Variants in SNTG1 observed in about 807,000 individuals in gnomAD.
SNTG1 encodes the protein syntrophin gamma 1.
In SNTG1, 39 loss-of-function variants were observed where a neutral mutation model predicts 74.7. That is an observed-to-expected ratio of 0.52 (90% CI 0.40 to 0.68). The LOEUF (loss-of-function observed/expected upper bound fraction) is 0.68, where lower values mean the gene tolerates loss of function less well. SNTG1 is among the 30% of genes least tolerant of loss of function. The probability of loss-of-function intolerance (pLI) is 0.00; values close to 1 mark genes in which losing one functional copy is unlikely to be tolerated. For missense variants in SNTG1, 685 were observed against 609.5 expected (o/e 1.12, Z -1.30); for synonymous variants, 254 against 217.1 (o/e 1.17, Z -1.49).
At chr8:50,401,541 G>A (rs2092805465) in intron 3 of SNTG1, among the ~76,000 whole-genome samples, 1 of 151,972 alleles carries the variant, frequency 6.6e-6, no homozygotes, top group Non-Finnish European at 1.5e-5. Context: ...TGTTAATCTG[G>A]GTAGTTTATT....
chr8:50,245,703 G>A (rs955419202), intron 2 of SNTG1, among the ~76,000 whole-genome samples: 1 of 151,988 alleles, frequency 6.6e-6, no homozygotes, highest in South Asian at 2.1e-4. Flanking sequence ...ACAGACAAAA[G>A]AAAACAAAAC....
chr8:49,926,782 A>G (rs1807066448), intron 1 of SNTG1, among the ~76,000 whole-genome samples: 1 of 152,168 alleles, frequency 6.6e-6, no homozygotes, highest in Non-Finnish European at 1.5e-5. Context: ...GTGAAAGGCA[A>G]TGTCAAGAGA....
intron 13 of SNTG1, among the ~76,000 whole-genome samples, chr8:50,656,603 A>AT (rs1001620226): frequency 6.6e-6 from 1 of 152,134 alleles, no homozygotes; most frequent in African/African-American, 2.4e-5. Context: ...ATAAATAAGT[A>AT]TTTTTTTCTG....
At chr8:50,378,038 G>T (rs1384318659) in intron 2 of SNTG1, among the ~76,000 whole-genome samples, 1 of 152,168 alleles carries the variant, frequency 6.6e-6, no homozygotes, top group Non-Finnish European at 1.5e-5. Context: ...CCGCCCACTC[G>T]GCCTGGCAGG....
intron 11 of SNTG1, among the ~76,000 whole-genome samples, chr8:50,539,845 G>A (rs1484521117): frequency 6.6e-6 from 1 of 152,174 alleles, no homozygotes; most frequent in Non-Finnish European, 1.5e-5. Flanking sequence ...CTGGATTTGG[G>A]CAGGTATTGC....
At chr8:50,691,429 T>C (rs552302633) in intron 15 of SNTG1, among the ~76,000 whole-genome samples, 4 of 152,334 alleles carry the variant, frequency 2.6e-5, no homozygotes, top group Admixed American at 6.5e-5. Context: ...CAAGAGCTCT[T>C]TTAGTGCAGG....
chr8:50,495,635 A>T (rs988803847), intron 8 of SNTG1, among the ~76,000 whole-genome samples: 3 of 152,050 alleles, frequency 2.0e-5, no homozygotes, highest in African/African-American at 7.3e-5. Flanking sequence ...TTACTTTCCA[A>T]TCCAACAGTA....
At chr8:50,520,342 A>G (rs1038758941) in intron 9 of SNTG1, among the ~76,000 whole-genome samples, 3 of 152,248 alleles carry the variant, frequency 2.0e-5, no homozygotes, top group African/African-American at 7.2e-5. Flanking sequence ...AAAACCCTTG[A>G]AGAAAACCTA....
At chr8:50,324,432 G>T (rs900115907) in intron 2 of SNTG1, among the ~76,000 whole-genome samples, 1 of 152,138 alleles carries the variant, frequency 6.6e-6, no homozygotes, top group Non-Finnish European at 1.5e-5. Context: ...ACCAGGTACT[G>T]TGATTGTTCA....
intron 8 of SNTG1, among the ~76,000 whole-genome samples, chr8:50,500,387 C>A (rs2093941204): frequency 6.6e-6 from 1 of 151,790 alleles, no homozygotes; most frequent in South Asian, 2.1e-4. Context: ...TGTATAATAT[C>A]TATTTGGATA....
At chr8:50,747,001 C>T (rs72645816) in intron 17 of SNTG1, among the ~76,000 whole-genome samples, 8,566 of 151,074 alleles carry the variant, frequency 0.057, 286 homozygotes, top group Non-Finnish European at 0.072. Context: ...TGCTTTTGCT[C>T]TTCTGCAGAT....
At chr8:50,696,856 A>G (rs1304160306) in intron 15 of SNTG1, among the ~76,000 whole-genome samples, 1 of 152,006 alleles carries the variant, frequency 6.6e-6, no homozygotes, top group Non-Finnish European at 1.5e-5. Context: ...GACATCTAGT[A>G]TTATTTGAAG....
At chr8:49,919,801 C>A (rs897960829) in intron 1 of SNTG1, among the ~76,000 whole-genome samples, 2 of 151,992 alleles carry the variant, frequency 1.3e-5, no homozygotes, top group African/African-American at 2.4e-5. Context: ...CATGGTGGAG[C>A]CTGTTCCAGC....
chr8:50,047,286 C>T (rs561970557), intron 1 of SNTG1, among the ~76,000 whole-genome samples: 2 of 151,862 alleles, frequency 1.3e-5, no homozygotes, highest in Non-Finnish European at 2.9e-5. Flanking sequence ...CTGCAGTGAG[C>T]CATGATGGTG....
upstream of SNTG1, chr8:49,911,076 T>G (rs994358383): frequency 6.6e-5 from 10 of 152,162 alleles, no homozygotes; most frequent in African/African-American, 2.4e-4. Flanking sequence ...TTCCTGTCTT[T>G]TTCATTCTTT....
intron 2 of SNTG1, among the ~76,000 whole-genome samples, chr8:50,249,808 A>T (rs562675421): frequency 5.5e-4 from 84 of 152,268 alleles, no homozygotes; most frequent in African/African-American, 1.9e-3. Flanking sequence ...CCTAGGATCC[A>T]TTTACAGGAA....
intron 2 of SNTG1, among the ~76,000 whole-genome samples, chr8:50,260,686 G>GA (rs1002238661): frequency 4.2e-5 from 6 of 143,922 alleles, no homozygotes; most frequent in African/African-American, 1.0e-4. Context: ...AGAGCTAATG[G>GA]AAAAAAAACC....
intron 16 of SNTG1, chr8:50,708,544 A>G: frequency 4.8e-6 from 1 of 207,418 alleles, no homozygotes; most frequent in Non-Finnish European, 9.5e-6. Context: ...ATAACAACTT[A>G]ACATAAACTT....
chr8:50,691,902 T>G (rs2095381681), intron 15 of SNTG1, among the ~76,000 whole-genome samples: 3 of 152,200 alleles, frequency 2.0e-5, no homozygotes, highest in Admixed American at 6.5e-5. Context: ...GATGTAGATT[T>G]GGTCTTTTCA....
Sources: allele counts gnomAD v4.1 joint callset (sites outside exome capture counted in the v4.1 genomes callset), GRCh38; gene constraint gnomAD v4.1.1; transcripts MANE v1.5; gene names NCBI Gene and HGNC (gene_info 2026-07-23, HGNC 2026-07-21).